CD163L1: variants seen among roughly 807,000 people sequenced by gnomAD.
The protein encoded by CD163L1 is scavenger receptor cysteine-rich type 1 protein M160.
Under a neutral mutation model 165.4 loss-of-function variants are expected in CD163L1, and 124 were observed. That is an observed-to-expected ratio of 0.75 (90% confidence interval 0.65 to 0.87). The LOEUF is 0.87. Ranked by LOEUF, CD163L1 falls within the 40% of genes least tolerant of loss-of-function variation. The pLI is 0.00. For missense variants in CD163L1, 1,525 were observed against 1,799.9 expected (o/e 0.85, Z 2.76); for synonymous variants, 585 against 662.2 (o/e 0.88, Z 1.79).
the CD163L1 span, among the ~76,000 whole-genome samples, chr12:7,338,112 C>A: frequency 6.6e-6 from 1 of 152,082 alleles, no homozygotes; most frequent in Admixed American, 6.5e-5. Context: ...GGGAGCTGAA[C>A]AATGAGAACA....
chr12:7,379,280 A>C lies in CD163L1; in HGVS notation c.2069T>G (p.Leu690Arg). 1 of 1,614,052 alleles carries C rather than the reference A, an allele frequency of 6.2e-7. No homozygotes were observed. The highest frequency in any genetic ancestry group is 8.5e-7 in the Non-Finnish European group (1 of 1,179,936). Residue 690 changes from leucine (L) to arginine (R), a missense_variant, in exon 9 of 20, where the codon CTG becomes CGG. Coordinates refer to ENST00000313599, the MANE Select transcript of CD163L1 (RefSeq NM_174941.6). Reference protein sequence around the residue: ...VICSDASDMELRLVGGSSRCA... With the variant: ...VICSDASDMERRLVGGSSRCA... ...CCTGCTGCTTCCACCCACAAGCCTCAGCTCCATATCCGATGCATCTGAAAC... is the reference window on the plus strand; with the variant it reads ...CCTGCTGCTTCCACCCACAAGCCTCCGCTCCATATCCGATGCATCTGAAAC...
chr12:7,410,279 A>G (rs1206392040), intron 4 of CD163L1, among the ~76,000 whole-genome samples: 1 of 152,164 alleles, frequency 6.6e-6, no homozygotes, highest in Non-Finnish European at 1.5e-5. Context: ...GAGTAAAAAG[A>G]TAGAGAATTC....
intron 14 of CD163L1, 117 bp downstream of exon 14, chr12:7,373,203 T>C: frequency 2.5e-6 from 2 of 812,252 alleles, no homozygotes; most frequent in South Asian, 2.0e-5. Context: ...TCAGCACTTA[T>C]TGTCATGCAC....
downstream of CD163L1, among the ~76,000 whole-genome samples, chr12:7,353,541 G>A (rs904865673): frequency 6.6e-5 from 10 of 151,926 alleles, no homozygotes; most frequent in South Asian, 6.2e-4. Context: ...GATTCATCAC[G>A]TACAAGAAAA....
At chr12:7,359,090 A>G (rs892791934) in intron 18 of CD163L1, among the ~76,000 whole-genome samples, 4 of 152,114 alleles carry the variant, frequency 2.6e-5, no homozygotes, top group African/African-American at 9.7e-5. Flanking sequence ...AGAATATCCA[A>G]AAATTGTGAA....
At chr12:7,407,217 G>C (rs887880315) in intron 4 of CD163L1, among the ~76,000 whole-genome samples, 13 of 152,066 alleles carry the variant, frequency 8.5e-5, no homozygotes, top group African/African-American at 3.1e-4. Context: ...AAACATTTTA[G>C]AACTTAATAA....
In CD163L1 at chr12:7,398,546, T is replaced by C; in HGVS notation, c.1447A>G (p.Ser483Gly). The change falls in exon 7 of 20, where the codon AGC (serine) becomes GGC (glycine). Residue 483 changes from serine to glycine, a missense_variant. Ser to Gly is a moderately conservative substitution (Grantham distance 56, BLOSUM62 0). Coordinates refer to ENST00000313599, the MANE Select transcript of CD163L1 (RefSeq NM_174941.6). This position sits in a 1 kb window ranked among gnomAD's most constrained non-coding sequence, Gnocchi z 4.5. The part of the protein sequence containing the change: ...DLDLRLVGAH[S>G]PCYGRLEVKY... ...ACCTCCAATCTCCCATAACAGGGGCTATGAGCCCCGACAAGCCTTAGGTCC... is the reference window on the plus strand; with the variant it reads ...ACCTCCAATCTCCCATAACAGGGGCCATGAGCCCCGACAAGCCTTAGGTCC... 1.2e-6 allele frequency: 2 copies of C among 1,605,478 alleles called. No individual in the cohort carries two copies. Among genetic ancestry groups the C allele is most frequent in the Non-Finnish European group, 1.7e-6 (2 of 1,175,970 alleles).
At chr12:7,428,069 T>G (rs1356880450) in intron 4 of CD163L1, among the ~76,000 whole-genome samples, 6 of 152,072 alleles carry the variant, frequency 3.9e-5, no homozygotes, top group Non-Finnish European at 8.8e-5. Flanking sequence ...ATCAGATAAT[T>G]TCTGGTTGCC....
In CD163L1 at chr12:7,432,709, A is replaced by G. The variant is rs1948650728; in HGVS notation, c.473T>C (p.Val158Ala). ...CCCTGAACAGGAGTTGTTTCCATCC[A>G]CTAGCCTCAAACCCAGATTGGCTTC... ...YGEANLGLRLVDGNNSCSGRV... is the reference protein window; with the variant it reads ...YGEANLGLRLADGNNSCSGRV... Residue 158 changes from valine to alanine, a missense_variant, in exon 4 of 20, where the codon GTG becomes GCG. Coordinates refer to ENST00000313599, the MANE Select transcript of CD163L1 (RefSeq NM_174941.6). The surrounding 1 kb of genome is among the most constrained non-coding windows in gnomAD (Gnocchi z 4.2). The G allele has an allele frequency of 1.2e-6, 2 of 1,610,684 alleles. No homozygotes were observed. The highest frequency in any genetic ancestry group is 1.7e-6 in the Non-Finnish European group (2 of 1,177,758).
intron 19 of CD163L1, among the ~76,000 whole-genome samples, chr12:7,355,454 G>A (rs1401723641): frequency 6.6e-6 from 1 of 152,120 alleles, no homozygotes; most frequent in African/African-American, 2.4e-5. Flanking sequence ...TATGGTTTTG[G>A]TTTTTGGAAC....
chr12:7,360,139 T>C (rs1356932187), intron 18 of CD163L1, among the ~76,000 whole-genome samples: 1 of 152,068 alleles, frequency 6.6e-6, no homozygotes, highest in East Asian at 1.9e-4. Flanking sequence ...CAATGATATG[T>C]ACATCTTTTT....
At chr12:7,396,557 AACCT>A (rs1947780744) in intron 7 of CD163L1, 142 bp from the exon 8 acceptor site, 2 of 811,420 alleles carry the variant, frequency 2.5e-6, no homozygotes, top group East Asian at 5.4e-5. Context: ...AGATGTGATT[AACCT>A]TTAAATTAGC....
At chr12:7,328,094 C>T in the CD163L1 span, among the ~76,000 whole-genome samples, 3 of 152,260 alleles carry the variant, frequency 2.0e-5, no homozygotes, top group African/African-American at 7.2e-5. Flanking sequence ...ACTAAAAACC[C>T]GTAAGATGGA....
chr12:7,441,041 A>C, intron 2 of CD163L1, 113 bp downstream of exon 2: 1 of 735,682 alleles, frequency 1.4e-6, no homozygotes, highest in Non-Finnish European at 2.4e-6. Flanking sequence ...TTGAAGGTCC[A>C]ACATTATTTT....
intron 8 of CD163L1, among the ~76,000 whole-genome samples, chr12:7,384,654 T>C (rs1274015680): frequency 4.6e-5 from 7 of 151,978 alleles, no homozygotes; most frequent in Admixed American, 4.6e-4. Context: ...TTCAAAGTGC[T>C]AAAAGAAAAA....
chr12:7,367,856 A>G (rs1031971037), intron 17 of CD163L1, among the ~76,000 whole-genome samples: 4 of 152,238 alleles, frequency 2.6e-5, no homozygotes, highest in African/African-American at 7.2e-5. Context: ...TATCTGACTC[A>G]TCGTCTGTAT....
At chr12:7,346,280 C>A (rs748775778), downstream of CD163L1, among the ~76,000 whole-genome samples, 1 of 151,812 alleles carries the variant, frequency 6.6e-6, no homozygotes, top group Non-Finnish European at 1.5e-5. Context: ...TTTTTTATTC[C>A]ATTTTATTTT....
chr12:7,342,485 G>C (rs1035496665), downstream of CD163L1, among the ~76,000 whole-genome samples: 2 of 152,072 alleles, frequency 1.3e-5, no homozygotes, highest in African/African-American at 2.4e-5. Flanking sequence ...ATCTCTGTTC[G>C]AGGCTCTCAG....
intron 8 of CD163L1, among the ~76,000 whole-genome samples, chr12:7,383,825 A>G (rs914869541): frequency 1.3e-5 from 2 of 152,248 alleles, no homozygotes; most frequent in South Asian, 2.1e-4. Context: ...GTTTTCCTCT[A>G]TGAAAGCCAA....
Sources: gnomAD v4.1 joint callset for allele counts (sites outside exome capture counted in the v4.1 genomes callset) on GRCh38, gnomAD v4.1.1 for gene constraint, Gnocchi (gnomAD v3.1) non-coding constraint, MANE v1.5 for transcripts, NCBI Gene and HGNC (gene_info 2026-07-23, HGNC 2026-07-21) for gene names.